The following VPS33A variants were observed in gnomAD, a reference collection of about 807,000 sequenced individuals.
The protein encoded by VPS33A is VPS33A core subunit of CORVET and HOPS complexes.
Under a neutral mutation model 71.8 loss-of-function variants are expected in VPS33A, and 32 were observed. The observed-to-expected ratio is 0.45, with a 90% CI of 0.34 to 0.60. The LOEUF (loss-of-function observed/expected upper bound fraction) is 0.60. Among genes scored for constraint, VPS33A ranks in the 20% least tolerant of loss-of-function variants. The probability of loss-of-function intolerance (pLI) is 0.02; values close to 1 mark genes in which losing one functional copy is unlikely to be tolerated. For synonymous variants in VPS33A, 311 were observed against 292.7 expected (o/e 1.06, Z -0.64); for missense variants, 625 against 748.5 (o/e 0.84, Z 1.92).
intron 9 of VPS33A, among the ~76,000 whole-genome samples, chr12:122,239,541 T>C (rs775375113): frequency 1.2e-4 from 19 of 152,056 alleles, no homozygotes; most frequent in South Asian, 2.1e-4. Flanking sequence ...GAGACCATCC[T>C]GGCTAACATG....
intron 7 of VPS33A, among the ~76,000 whole-genome samples, chr12:122,243,930 G>T (rs188702273): frequency 9.9e-5 from 15 of 152,190 alleles, no homozygotes; most frequent in Admixed American, 9.8e-4. Flanking sequence ...AAAAAATCTA[G>T]AACTACATAC....
intron 7 of VPS33A, among the ~76,000 whole-genome samples, chr12:122,244,355 C>G (rs555543484): frequency 6.6e-6 from 1 of 152,306 alleles, no homozygotes; most frequent in Admixed American, 6.5e-5. Flanking sequence ...CACCTACCCT[C>G]CACACAAAAA....
chr12:122,242,450 T>G lies in VPS33A; in HGVS notation c.1028A>C (p.His343Pro). 1 of 1,614,188 alleles carries G rather than the reference T, an allele frequency of 6.2e-7. No individual in the cohort carries two copies. The highest frequency in any genetic ancestry group is 8.5e-7 in the Non-Finnish European group (1 of 1,180,016). The change falls in exon 8 of 13, where the codon CAC becomes CCC. Residue 343 changes from histidine (H) to proline (P), a missense_variant. Transcript: ENST00000267199. ...EIKQFVSQLP[H>P]MQAARGSLAN... ...AAGCGAGCCCCTTGCTGCCTGCATGTGGGGCAACTGGGAAACAAACTGCTT... is the reference window on the plus strand; with the variant it reads ...AAGCGAGCCCCTTGCTGCCTGCATGGGGGGCAACTGGGAAACAAACTGCTT...
Position 122,231,895 on chromosome 12 carries a change from A to G in VPS33A, c.*351T>C, listed in dbSNP as rs1370488104. 3 of 371,836 alleles carry G rather than the reference A, an allele frequency of 8.1e-6. No homozygotes were observed. Among genetic ancestry groups the G allele is most frequent in the Non-Finnish European group, 1.4e-5 (3 of 210,060 alleles). 23.0% of individuals were successfully genotyped at this position (371,836 alleles called of 1,614,324 possible). On this transcript the variant is annotated 3_prime_UTR_variant, in exon 13 of 13. Transcript: ENST00000267199. ...AACATGGTGAAACACCATGGCTACT[A>G]AAAATACAAAAATTAGCCGGGTGTG...
chr12:122,236,711 C>A (rs1269519679), intron 10 of VPS33A, among the ~76,000 whole-genome samples: 3 of 152,190 alleles, frequency 2.0e-5, no homozygotes, highest in Admixed American at 2.0e-4. Context: ...CTGGTCTAAG[C>A]ACTTACATAC....
intron 6 of VPS33A, among the ~76,000 whole-genome samples, chr12:122,247,547 A>G (rs1954791398): frequency 6.6e-6 from 1 of 152,164 alleles, no homozygotes; most frequent in African/African-American, 2.4e-5. Context: ...TCTTATCACT[A>G]AAGACCTTCC....
chr12:122,264,140 T>G lies in VPS33A; in HGVS notation c.162A>C (p.Leu54=). 1 of 1,546,160 alleles carries G rather than the reference T, an allele frequency of 6.5e-7. No homozygotes were observed. Among genetic ancestry groups the G allele is most frequent in the Non-Finnish European group, 8.8e-7 (1 of 1,135,512 alleles). ...ACCCAAATAGCTCATTTACCTTCAA[T>G]AGTGAATACTGTGCAATCAGGCCAA... The part of the protein sequence containing the change: ...GPFGLIAQYS[L]LKEHEVEKMF... The change falls in exon 2 of 13, where the codon CTA becomes CTC. Residue 54 remains leucine (L), a synonymous_variant. Transcript: ENST00000267199.
chr12:122,257,608 G>T (rs1310003652), intron 4 of VPS33A, among the ~76,000 whole-genome samples: 2 of 151,832 alleles, frequency 1.3e-5, no homozygotes, highest in Non-Finnish European at 2.9e-5. Flanking sequence ...GGGAGGTGAA[G>T]GTTGCAGTGA....
At chr12:122,235,635 G>T in intron 11 of VPS33A, 151 bp downstream of exon 11, 1 of 1,006,228 alleles carries the variant, frequency 9.9e-7, no homozygotes. Flanking sequence ...GGATTCTGAT[G>T]GATACAATAC....
intron 4 of VPS33A, among the ~76,000 whole-genome samples, chr12:122,251,587 C>T (rs1592923445): frequency 6.6e-6 from 1 of 152,178 alleles, no homozygotes; most frequent in Non-Finnish European, 1.5e-5. Context: ...CTGAAGGCCA[C>T]AATCTGTTGA....
rs1311420918 is a variant in VPS33A at position 122,261,254 on chromosome 12, A to T, written c.483+7T>A. On this transcript the variant is annotated splice_region_variant and intron_variant, in intron 4 of 12. Coordinates refer to ENST00000267199, the MANE Select transcript of VPS33A (RefSeq NM_022916.6). ...AATGCCTGAAGTTAAGGAAATGCCAAACTTACTTTGAATGCACCCTCTGAT... is the reference window on the plus strand; with the variant it reads ...AATGCCTGAAGTTAAGGAAATGCCATACTTACTTTGAATGCACCCTCTGAT... The T allele has an allele frequency of 3.7e-6, 6 of 1,600,456 alleles. No homozygotes were observed. Among genetic ancestry groups the T allele is most frequent in the Non-Finnish European group, 5.1e-6 (6 of 1,173,658 alleles).
intron 4 of VPS33A, among the ~76,000 whole-genome samples, chr12:122,257,888 C>T (rs1954941320): frequency 6.6e-6 from 1 of 152,020 alleles, no homozygotes; most frequent in Admixed American, 6.6e-5. Context: ...TGAAACAGAA[C>T]TAAAAGACCA....
At chr12:122,255,065 A>G (rs887599880) in intron 4 of VPS33A, among the ~76,000 whole-genome samples, 7 of 152,076 alleles carry the variant, frequency 4.6e-5, no homozygotes, top group African/African-American at 1.7e-4. Context: ...AAAAAAAAAA[A>G]AAAAAGAAAA....
Position 122,238,915 on chromosome 12 carries a change from C to T in VPS33A, c.1165-191G>A, listed in dbSNP as rs541329590. On this transcript the variant is annotated intron_variant, in intron 9 of 12. Transcript: ENST00000267199. ...TTTTCCACAGTCCCTAACCCTTCCC[C>T]GAAATAGCTCTGCTAGCCCCAGCCA... Among the ~76,000 whole-genome samples the T allele has an allele frequency of 2.6e-3, 388 of 150,436 alleles. 5 individuals are homozygous for T. The highest frequency in any genetic ancestry group is 2.6e-3 in the Non-Finnish European group (175 of 67,692).
intron 10 of VPS33A, among the ~76,000 whole-genome samples, chr12:122,236,127 GCTCA>G (rs1311748565): frequency 1.3e-5 from 2 of 152,098 alleles, no homozygotes; most frequent in African/African-American, 2.4e-5. Context: ...TATTAATTCA[GCTCA>G]CTGTTTCAAA....
chr12:122,246,877 C>T (rs1954784266), intron 6 of VPS33A, among the ~76,000 whole-genome samples: 2 of 152,206 alleles, frequency 1.3e-5, no homozygotes, highest in Non-Finnish European at 2.9e-5. Flanking sequence ...GCTAGGATTA[C>T]AGGCATAAGC....
At chr12:122,255,076 T>C (rs995246452) in intron 4 of VPS33A, among the ~76,000 whole-genome samples, 2 of 143,042 alleles carry the variant, frequency 1.4e-5, no homozygotes, top group Non-Finnish European at 3.1e-5. Context: ...AAAAAGAAAA[T>C]AGTTCTGCCC....
chr12:122,255,934 A>G lies in VPS33A; in HGVS notation c.484-4835T>C, dbSNP rs1194974691. On this transcript the variant is annotated intron_variant, in intron 4 of 12. Transcript: ENST00000267199. ...TCCTTCTGCCTCAGCCTCCTGAGTT[A>G]CTGGAATGACAGGTGCACATCACCA... Among the ~76,000 whole-genome samples the G allele has an allele frequency of 9.2e-4, 140 of 151,744 alleles. 2 individuals carry two copies. Among genetic ancestry groups the G allele is most frequent in the African/African-American group, 3.2e-3 (132 of 41,190 alleles).
chr12:122,238,552 C>T (rs1158883760), intron 10 of VPS33A, 35 bp downstream of exon 10: 4 of 1,591,612 alleles, frequency 2.5e-6, no homozygotes, highest in Non-Finnish European at 3.4e-6. Context: ...GATGCTGTCC[C>T]CCTTGGCAAA....
Sources: allele counts gnomAD v4.1 joint callset (sites outside exome capture counted in the v4.1 genomes callset), GRCh38; gene constraint gnomAD v4.1.1; transcripts MANE v1.5; gene names NCBI Gene and HGNC (gene_info 2026-07-23, HGNC 2026-07-21).